The following ENOX2 variants were observed in gnomAD, a reference collection of about 807,000 sequenced individuals.
ENOX2 encodes the protein ecto-NOX disulfide-thiol exchanger 2, also known as APK1 antigen.
In ENOX2, 36 loss-of-function variants were observed where a neutral mutation model predicts 45.0. The ratio of observed to expected loss-of-function variants is 0.80; its 90% CI spans 0.61 to 1.06. The LOEUF is 1.06. ENOX2 is among the 50% of genes least tolerant of loss of function. The probability of loss-of-function intolerance (pLI) is 0.00; values close to 1 mark genes in which losing one functional copy is unlikely to be tolerated. For missense variants in ENOX2, 423 were observed against 462.5 expected, an observed-to-expected ratio of 0.91 and a Z score of 0.78; for synonymous variants, 174 against 152.3, an observed-to-expected ratio of 1.14 and a Z score of -1.05.
intron 2 of ENOX2, among the ~76,000 whole-genome samples, chrX:130,844,021 AG>A (rs986587672): frequency 2.2e-4 from 25 of 111,974 alleles, no homozygotes; most frequent in African/African-American, 7.1e-4. Flanking sequence ...ATTAATGGGA[AG>A]AAAAAATTTT....
chrX:130,627,667 T>C (rs1250308162), intron 14 of ENOX2, among the ~76,000 whole-genome samples: 1 of 112,006 alleles, frequency 8.9e-6, no homozygotes, highest in Non-Finnish European at 1.9e-5. Context: ...TCTTCTAAGA[T>C]ATATGTTGGA....
chrX:130,891,503 T>G (rs1307695384), intron 2 of ENOX2, among the ~76,000 whole-genome samples: 31 of 93,716 alleles, frequency 3.3e-4, no homozygotes, highest in Middle Eastern at 5.1e-3. Flanking sequence ...TTTTTTTTTT[T>G]TTTTTTTTTT....
At position 130,679,691 on chromosome X, in the gene ENOX2, C is replaced by A; in HGVS notation, c.311G>T (p.Gly104Val). The A allele has an allele frequency of 8.3e-7, 1 of 1,211,537 alleles. No individual in the cohort carries two copies. The highest frequency in any genetic ancestry group is 3.0e-5 in the East Asian group (1 of 33,853). The change falls in exon 6 of 15, where the codon GGT becomes GTT. Residue 104 changes from glycine to valine, a missense_variant. Gly to Val is a moderately radical substitution (Grantham distance 109, BLOSUM62 -3). Transcript: ENST00000394363. ...CTCTGTCCCATTTTCAGGCAGACCACCCACAAATACTGTTTTGCATCCTGG... is the reference window on the plus strand; with the variant it reads ...CTCTGTCCCATTTTCAGGCAGACCAACCACAAATACTGTTTTGCATCCTGG... ...RPPGCKTVFV[G>V]GLPENGTEQI...
At chrX:130,817,806 TATC>T (rs2077516020) in intron 2 of ENOX2, among the ~76,000 whole-genome samples, 1 of 112,046 alleles carries the variant, frequency 8.9e-6, no homozygotes, top group South Asian at 3.6e-4. Context: ...CCACAGCCAA[TATC>T]ATACTGAATG....
chrX:130,749,956 G>C (rs1474490922), intron 3 of ENOX2, among the ~76,000 whole-genome samples: 1 of 109,946 alleles, frequency 9.1e-6, no homozygotes, highest in Non-Finnish European at 1.9e-5. Flanking sequence ...TCTTGTCACT[G>C]TATGGTTCTC....
At chrX:130,767,341 G>C (rs1330698861) in intron 3 of ENOX2, among the ~76,000 whole-genome samples, 1 of 111,940 alleles carries the variant, frequency 8.9e-6, no homozygotes, top group African/African-American at 3.2e-5. Flanking sequence ...ACCTGGCACA[G>C]AGTAGGCATA....
chrX:130,891,817 GA>G (rs1303125363), intron 2 of ENOX2, among the ~76,000 whole-genome samples: 1 of 111,639 alleles, frequency 9.0e-6, no homozygotes, highest in Non-Finnish European at 1.9e-5. Context: ...ATTACATGCT[GA>G]TTCAAAACAG....
At chrX:130,885,898 TCAA>T (rs1174958576) in intron 2 of ENOX2, among the ~76,000 whole-genome samples, 2 of 112,320 alleles carry the variant, frequency 1.8e-5, no homozygotes, top group Non-Finnish European at 3.8e-5. Context: ...GAAAAAAGCC[TCAA>T]CAACTTCTCA....
chrX:130,855,972 C>T (rs1415207060), intron 2 of ENOX2, among the ~76,000 whole-genome samples: 2 of 111,733 alleles, frequency 1.8e-5, no homozygotes, highest in African/African-American at 6.5e-5. Flanking sequence ...TGAAAAGATA[C>T]TCAACATCAC....
chrX:130,890,752 A>C (rs1361539172), intron 2 of ENOX2, among the ~76,000 whole-genome samples: 1 of 112,788 alleles, frequency 8.9e-6, no homozygotes. Flanking sequence ...AAAGCTGACA[A>C]GGGAACCACA....
At chrX:130,736,050 T>C (rs765639293) in intron 3 of ENOX2, among the ~76,000 whole-genome samples, 1 of 111,845 alleles carries the variant, frequency 8.9e-6, no homozygotes, top group East Asian at 2.8e-4. Flanking sequence ...GTAGGCACAG[T>C]AAAATTATTT....
intron 3 of ENOX2, among the ~76,000 whole-genome samples, chrX:130,752,363 T>C (rs945492757): frequency 9.0e-6 from 1 of 110,861 alleles, no homozygotes; most frequent in African/African-American, 3.3e-5. Flanking sequence ...ATTCTCCCTT[T>C]ATTGGTTAGT....
At chrX:130,670,370 A>G (rs1015590689) in intron 6 of ENOX2, among the ~76,000 whole-genome samples, 172 bp from the exon 7 acceptor site, 1 of 111,511 alleles carries the variant, frequency 9.0e-6, no homozygotes, top group Non-Finnish European at 1.9e-5. Context: ...ACAACTCCAA[A>G]TTCTCTCCCC....
At chrX:130,813,204 A>T (rs1340038300) in intron 2 of ENOX2, among the ~76,000 whole-genome samples, 1 of 112,296 alleles carries the variant, frequency 8.9e-6, no homozygotes, top group African/African-American at 3.2e-5. Flanking sequence ...CAATGGAACA[A>T]AATAGAGAGC....
intron 2 of ENOX2, among the ~76,000 whole-genome samples, chrX:130,828,116 T>A (rs2077753600): frequency 8.9e-6 from 1 of 111,978 alleles, no homozygotes. Context: ...CCTGGTAAGA[T>A]CACAATTATT....
At chrX:130,750,607 A>C (rs765078765) in intron 3 of ENOX2, among the ~76,000 whole-genome samples, 1 of 110,867 alleles carries the variant, frequency 9.0e-6, no homozygotes, top group Non-Finnish European at 1.9e-5. Flanking sequence ...GGCCTATAAC[A>C]CATGGTATCT....
chrX:130,625,042 T>C lies in ENOX2; in HGVS notation c.*272A>G. Reference sequence around the variant, plus strand: ...GACACTGAAAACACTCCAAATACTGTTTAGCATCAGGACTTTTGCAATATT... The same window carrying C: ...GACACTGAAAACACTCCAAATACTGCTTAGCATCAGGACTTTTGCAATATT... On this transcript the variant is annotated 3_prime_UTR_variant, in exon 15 of 15. Transcript: ENST00000394363. 1 of 280,238 alleles carries C rather than the reference T, an allele frequency of 3.6e-6. No individual in the cohort carries two copies. Among genetic ancestry groups the C allele is most frequent in the Non-Finnish European group, 6.3e-6 (1 of 159,045 alleles). 23.1% of individuals were successfully genotyped at this position (280,238 alleles called of 1,213,427 possible).
intron 2 of ENOX2, among the ~76,000 whole-genome samples, chrX:130,811,145 G>A (rs1183402410): frequency 7.2e-5 from 8 of 111,028 alleles, no homozygotes; most frequent in African/African-American, 1.3e-4. Context: ...ATGAGTGGTC[G>A]CAGGTACTAG....
chrX:130,662,599 G>A (rs2036721358), intron 9 of ENOX2, among the ~76,000 whole-genome samples: 1 of 111,898 alleles, frequency 8.9e-6, no homozygotes, highest in African/African-American at 3.2e-5. Context: ...CACAATTTAA[G>A]AGGATGGTTT....
Sources: allele counts gnomAD v4.1 joint callset (sites outside exome capture counted in the v4.1 genomes callset), GRCh38; gene constraint gnomAD v4.1.1; transcripts MANE v1.5; gene names NCBI Gene and HGNC (gene_info 2026-07-23, HGNC 2026-07-21).